Variants in ATP11C observed in about 807,000 individuals in gnomAD.
ATP11C encodes the protein phospholipid-transporting ATPase IG.
ATP11C carries 36 observed loss-of-function variants against 97.4 expected under a neutral mutation model. That is an observed-to-expected ratio of 0.37 (90% CI 0.28 to 0.49). ATP11C has a LOEUF of 0.49. Ranked by LOEUF, ATP11C falls within the 20% of genes least tolerant of loss-of-function variation. The pLI is 0.98. For synonymous variants in ATP11C, 275 were observed against 290.9 expected, an observed-to-expected ratio of 0.95 and a Z score of 0.56; for missense variants, 730 against 824.6, an observed-to-expected ratio of 0.89 and a Z score of 1.40.
chrX:139,815,273 A>C (rs1387320370), intron 4 of ATP11C, among the ~76,000 whole-genome samples: 1 of 112,295 alleles, frequency 8.9e-6, no homozygotes, highest in Non-Finnish European at 1.9e-5. Flanking sequence ...GTGAAAGGCT[A>C]TGATTTATTT....
chrX:139,795,480 C>T (rs2082774228), intron 12 of ATP11C, among the ~76,000 whole-genome samples: 1 of 111,335 alleles, frequency 9.0e-6, no homozygotes, highest in Non-Finnish European at 1.9e-5. Flanking sequence ...TTGGAAACTC[C>T]CAGTCACAAA....
intron 5 of ATP11C, among the ~76,000 whole-genome samples, chrX:139,808,007 T>C (rs1030560958): frequency 4.9e-5 from 5 of 101,660 alleles, no homozygotes; most frequent in Non-Finnish European, 1.0e-4. Context: ...GTGGAAAAGG[T>C]AGACAACATG....
chrX:139,841,596 CAA>C lies in ATP11C; in HGVS notation c.28-14775_28-14774del, dbSNP rs757265200. 3.4e-3 allele frequency among the ~76,000 whole-genome samples: 381 copies of C among 111,975 alleles called. 3 individuals are homozygous for C. The highest frequency in any genetic ancestry group is 0.012 in the African/African-American group (358 of 30,843). ...GGAAAACTCTCCTTTCATTGATGTT[CAA>C]AAGACAAGAGAGAAAATTTTCTCCT... On this transcript the variant is annotated intron_variant, in intron 1 of 29. Transcript: ENST00000682941.
intron 1 of ATP11C, among the ~76,000 whole-genome samples, chrX:139,930,414 G>A (rs1480532909): frequency 1.9e-5 from 2 of 107,951 alleles, no homozygotes; most frequent in African/African-American, 3.4e-5. Flanking sequence ...ATTTTATTAT[G>A]ATTCAGAGCC....
At position 139,741,095 on chromosome X, in the gene ATP11C, C is replaced by G; in HGVS notation, c.3031-1G>C. ...TCCAGAATCGGGTATCCAAGGCAAG[C>G]TGAAAAGATACAACACAAAAGATTT... On this transcript the variant is annotated splice_acceptor_variant, in intron 26 of 29. Transcript: ENST00000682941. LOFTEE classifies it high-confidence loss of function. 1 of 1,163,573 alleles carries G rather than the reference C, an allele frequency of 8.6e-7. No homozygotes were observed. The highest frequency in any genetic ancestry group is 1.2e-6 in the Non-Finnish European group (1 of 852,658).
chrX:139,764,320 T>C (rs1298821105), intron 20 of ATP11C, among the ~76,000 whole-genome samples: 2 of 112,757 alleles, frequency 1.8e-5, no homozygotes, highest in Non-Finnish European at 3.7e-5. Flanking sequence ...ATGTCCAAGA[T>C]ATGTGTACAA....
chrX:139,819,940 C>T (rs2083368586), intron 2 of ATP11C, among the ~76,000 whole-genome samples: 1 of 112,030 alleles, frequency 8.9e-6, no homozygotes, highest in South Asian at 3.7e-4. Context: ...AATCCCAGCA[C>T]TCTGGGAGGC....
At chrX:139,828,647 C>A (rs1488960268) in intron 1 of ATP11C, among the ~76,000 whole-genome samples, 1 of 111,934 alleles carries the variant, frequency 8.9e-6, no homozygotes, top group African/African-American at 3.2e-5. Flanking sequence ...TAGTTTTTCA[C>A]ACAAGGAAGA....
intron 1 of ATP11C, among the ~76,000 whole-genome samples, chrX:139,903,953 C>T (rs760801606): frequency 9.0e-6 from 1 of 111,357 alleles, no homozygotes; most frequent in East Asian, 2.8e-4. Flanking sequence ...AGGCCCTACC[C>T]AGAGTTTCTG....
chrX:139,873,739 G>A (rs1417793279), intron 1 of ATP11C, among the ~76,000 whole-genome samples: 1 of 100,867 alleles, frequency 9.9e-6, no homozygotes, highest in African/African-American at 3.6e-5. Flanking sequence ...GGTTAAGATG[G>A]TAAATTTCGT....
intron 3 of ATP11C, among the ~76,000 whole-genome samples, chrX:139,817,449 G>A (rs933783789): frequency 8.9e-6 from 1 of 112,643 alleles, no homozygotes; most frequent in Non-Finnish European, 1.9e-5. Flanking sequence ...AGCCAGTGGC[G>A]AGAGGGAGTG....
intron 28 of ATP11C, among the ~76,000 whole-genome samples, chrX:139,736,649 CT>C (rs1052446833): frequency 1.8e-5 from 2 of 111,618 alleles, no homozygotes; most frequent in African/African-American, 6.5e-5. Flanking sequence ...TTGAATGCAA[CT>C]TTTCCATCCT....
intron 19 of ATP11C, among the ~76,000 whole-genome samples, chrX:139,769,183 A>G (rs771077502): frequency 9.9e-6 from 1 of 101,202 alleles, no homozygotes; most frequent in South Asian, 4.7e-4. Context: ...CTGGAATTCA[A>G]ATTAATTAGT....
rs1332875032 is a variant in ATP11C at position 139,742,532 on chromosome X, G to A, written c.3030+1027C>T. The stretch of plus-strand genomic sequence containing the variant: ...GAGATCCTTTGACAATTATACTTCT[G>A]AATTCTGCTTCTAACCCCTGGGCAT... On this transcript the variant is annotated intron_variant, in intron 26 of 29. Transcript: ENST00000682941. Among the ~76,000 whole-genome samples the A allele has an allele frequency of 2.7e-5, 3 of 111,343 alleles. No homozygotes were observed. In the Admixed American group the frequency reaches 2.9e-4, roughly 11 times the overall value.
rs765746541 is a variant in ATP11C at position 139,745,749 on chromosome X, C to A, written c.2937G>T (p.Gln979His). 8.3e-7 allele frequency: 1 copy of A among 1,206,323 alleles called. No homozygotes were observed. Among genetic ancestry groups the A allele is most frequent in the Non-Finnish European group, 1.1e-6 (1 of 893,162 alleles). Residue 979 changes from glutamine (Q) to histidine (H), a missense_variant, in exon 25 of 30, where the codon CAG becomes CAT. Physicochemically the swap from Gln to His is conservative, Grantham distance 24. Coordinates refer to ENST00000682941, the MANE Select transcript of ATP11C (RefSeq NM_001353812.2). ...TTCCATTTTCTTCTAGGGATGCAGT[C>A]TGAAAAAGAAAGTAAGTCCCAAAGA... ...VFFFGTYFLF[Q>H]TASLEENGKV...
intron 1 of ATP11C, among the ~76,000 whole-genome samples, chrX:139,845,488 G>A (rs2083894685): frequency 8.9e-6 from 1 of 112,140 alleles, no homozygotes; most frequent in East Asian, 2.8e-4. Context: ...GTGAAGCAGT[G>A]AGAGAAGTCT....
intron 1 of ATP11C, among the ~76,000 whole-genome samples, chrX:139,855,683 T>A (rs2084079377): frequency 8.9e-6 from 1 of 112,457 alleles, no homozygotes; most frequent in Admixed American, 9.4e-5. Context: ...AAGTCAATTT[T>A]GCCTCAAACT....
chrX:139,742,864 TAA>T (rs573243237), intron 26 of ATP11C, among the ~76,000 whole-genome samples: 30 of 20,120 alleles, frequency 1.5e-3, no homozygotes, highest in African/African-American at 4.8e-3. Context: ...ATTTTTAAAT[TAA>T]AAAAAAAAAA....
intron 20 of ATP11C, among the ~76,000 whole-genome samples, chrX:139,767,366 G>A (rs781023163): frequency 3.4e-4 from 38 of 111,466 alleles, no homozygotes; most frequent in Non-Finnish European, 3.2e-4. Context: ...ATGACAAAAG[G>A]TAGGACCAAC....
Sources: allele counts gnomAD v4.1 joint callset (sites outside exome capture counted in the v4.1 genomes callset), GRCh38; gene constraint gnomAD v4.1.1; transcripts MANE v1.5; gene names NCBI Gene and HGNC (gene_info 2026-07-23, HGNC 2026-07-21).